The following RGS7 variants were observed in gnomAD, a reference collection of about 807,000 sequenced individuals.
RGS7 encodes the protein regulator of G protein signaling 7.
Under a neutral mutation model 81.1 loss-of-function variants are expected in RGS7, and 27 were observed. The observed-to-expected ratio is 0.33, with a 90% CI of 0.25 to 0.46. The LOEUF (loss-of-function observed/expected upper bound fraction) is 0.46, where lower values mean the gene tolerates loss of function less well. Among genes scored for constraint, RGS7 ranks in the 20% least tolerant of loss-of-function variants. RGS7 has a pLI of 1.00. For missense variants in RGS7, 396 were observed against 607.4 expected, an observed-to-expected ratio of 0.65 and a Z score of 3.66; for synonymous variants, 208 against 207.7, an observed-to-expected ratio of 1.00 and a Z score of -0.01.
intron 9 of RGS7, among the ~76,000 whole-genome samples, chr1:240,841,067 T>A (rs1419875240): frequency 2.6e-5 from 4 of 152,212 alleles, no homozygotes; most frequent in African/African-American, 9.7e-5. Context: ...AATACTCCAA[T>A]TCTTCAGTTA....
chr1:241,146,201 AAAAATT>A (rs2068299296), intron 2 of RGS7, among the ~76,000 whole-genome samples: 1 of 152,196 alleles, frequency 6.6e-6, no homozygotes, highest in African/African-American at 2.4e-5. Context: ...AAATAAGAAG[AAAAATT>A]AAAATGACAG....
chr1:240,791,573 A>T (rs1177441029), intron 18 of RGS7, among the ~76,000 whole-genome samples: 1 of 152,236 alleles, frequency 6.6e-6, no homozygotes, highest in Non-Finnish European at 1.5e-5. Context: ...TCAGTATAAA[A>T]ATGGCTTTCT....
chr1:240,973,656 C>T (rs1052870844), intron 4 of RGS7, among the ~76,000 whole-genome samples: 1 of 152,092 alleles, frequency 6.6e-6, no homozygotes, highest in Non-Finnish European at 1.5e-5. Flanking sequence ...GTGGTGCCAT[C>T]TCAGCTCACT....
intron 2 of RGS7, among the ~76,000 whole-genome samples, chr1:241,103,386 T>C (rs1157381698): frequency 2.0e-5 from 3 of 152,078 alleles, no homozygotes. Flanking sequence ...ATGCCTTGGG[T>C]CACCGAGGAT....
intron 2 of RGS7, among the ~76,000 whole-genome samples, chr1:241,170,031 G>C (rs1166763503): frequency 1.3e-5 from 2 of 151,892 alleles, no homozygotes; most frequent in Non-Finnish European, 2.9e-5. Context: ...TAGCTACCCT[G>C]GGCTCCCTTT....
intron 2 of RGS7, among the ~76,000 whole-genome samples, chr1:241,188,498 G>A (rs1371307322): frequency 6.6e-6 from 1 of 152,018 alleles, no homozygotes; most frequent in Non-Finnish European, 1.5e-5. Context: ...TCAGCAGAGT[G>A]TTAAACTCTG....
At chr1:240,874,901 G>A (rs1221987835) in intron 6 of RGS7, among the ~76,000 whole-genome samples, 6 of 152,060 alleles carry the variant, frequency 3.9e-5, no homozygotes, top group African/African-American at 7.2e-5. Flanking sequence ...ATTTAGCTGC[G>A]TGTTGTGGCG....
At chr1:241,221,051 G>GGAAGGA (rs1558204035) in intron 2 of RGS7, among the ~76,000 whole-genome samples, 2 of 113,570 alleles carry the variant, frequency 1.8e-5, no homozygotes, top group Non-Finnish European at 1.8e-5. Flanking sequence ...AAGAAAGAAA[G>GGAAGGA]AAAGAAAGAG....
At chr1:240,798,975 C>A (rs1687547010) in intron 18 of RGS7, among the ~76,000 whole-genome samples, 1 of 152,066 alleles carries the variant, frequency 6.6e-6, no homozygotes, top group Non-Finnish European at 1.5e-5. Flanking sequence ...ATCACTCATT[C>A]TTTATCTTCC....
At chr1:240,987,671 G>A (rs762736355) in intron 3 of RGS7, among the ~76,000 whole-genome samples, 1 of 151,540 alleles carries the variant, frequency 6.6e-6, no homozygotes, top group Non-Finnish European at 1.5e-5. Context: ...TTACAGGTGT[G>A]AGCCACCATG....
At chr1:241,218,685 C>G (rs2074716902) in intron 2 of RGS7, among the ~76,000 whole-genome samples, 2 of 152,184 alleles carry the variant, frequency 1.3e-5, no homozygotes, top group Admixed American at 1.3e-4. Flanking sequence ...CACACTGTCA[C>G]CCAGGCTGGA....
intron 6 of RGS7, among the ~76,000 whole-genome samples, chr1:240,928,542 A>G (rs969984384): frequency 6.6e-6 from 1 of 152,190 alleles, no homozygotes; most frequent in Non-Finnish European, 1.5e-5. Context: ...CATATTTATG[A>G]AAGATGACAC....
chr1:241,088,647 C>G (rs556817360), intron 3 of RGS7, among the ~76,000 whole-genome samples: 1 of 152,010 alleles, frequency 6.6e-6, no homozygotes, highest in Admixed American at 6.6e-5. Context: ...AAACTTCCAC[C>G]GTAATACTAA....
chr1:240,976,286 G>A (rs1572081815), intron 4 of RGS7, among the ~76,000 whole-genome samples: 1 of 152,172 alleles, frequency 6.6e-6, no homozygotes. Context: ...TAGCTAGGAA[G>A]GGGCTCTGCC....
rs1491281246 is a variant in RGS7, at chr1:241,089,020, C to CCTCTCTCT, written c.175+9645_175+9646insAGAGAGAG. ...CAGCCTGGGCCACAGAGCAAGACTC[C>CCTCTCTCT]ATCTCTCTCTCTCTCTCTCTCTCTC... On this transcript the variant is annotated intron_variant, in intron 3 of 18. Coordinates refer to ENST00000440928, the MANE Select transcript of RGS7 (RefSeq NM_001364886.1). Among the ~76,000 whole-genome samples the CCTCTCTCT allele has an allele frequency of 1.3e-3, 59 of 45,438 alleles. 2 individuals carry two copies. The highest frequency in any genetic ancestry group is 3.5e-3 in the East Asian group (5 of 1,432). The allele number at this position is 45,438 out of a possible 152,430, so 29.8% of individuals were successfully genotyped here.
chr1:241,157,075 GGTCA>G (rs1395311439), intron 2 of RGS7, among the ~76,000 whole-genome samples: 5 of 151,814 alleles, frequency 3.3e-5, no homozygotes, highest in Admixed American at 2.0e-4. Flanking sequence ...TACGTTATTT[GGTCA>G]GTCAGCTGTT....
At chr1:241,356,242 G>T (rs1394466410) in intron 1 of RGS7, among the ~76,000 whole-genome samples, 2 of 151,932 alleles carry the variant, frequency 1.3e-5, no homozygotes, top group African/African-American at 4.8e-5. Flanking sequence ...GTGGGGGGCG[G>T]GTTAGCACAC....
At chr1:241,344,161 T>C (rs779756844) in intron 2 of RGS7, among the ~76,000 whole-genome samples, 29 of 152,354 alleles carry the variant, frequency 1.9e-4, no homozygotes, top group Non-Finnish European at 3.7e-4. Flanking sequence ...TGGTGAATCA[T>C]TGTTGACACT....
chr1:241,096,465 G>A (rs534435830), intron 3 of RGS7, among the ~76,000 whole-genome samples: 5 of 151,654 alleles, frequency 3.3e-5, no homozygotes, highest in South Asian at 4.2e-4. Context: ...TTGAACCTAC[G>A]AGGCAGAGCA....
Sources: allele counts gnomAD v4.1 joint callset (sites outside exome capture counted in the v4.1 genomes callset), GRCh38; gene constraint gnomAD v4.1.1; transcripts MANE v1.5; gene names NCBI Gene and HGNC (gene_info 2026-07-23, HGNC 2026-07-21).